Variants in CRACD observed in about 807,000 individuals in gnomAD.
CRACD encodes the protein capping protein-inhibiting regulator of actin dynamics.
CRACD carries 56 observed loss-of-function variants against 106.8 expected under a neutral mutation model. That is an observed-to-expected ratio of 0.52 (90% CI 0.42 to 0.66). CRACD has a LOEUF of 0.66. Among genes scored for constraint, CRACD ranks in the 30% least tolerant of loss-of-function variants. CRACD has a pLI of 0.00. For synonymous variants in CRACD, 754 were observed against 670.8 expected, an observed-to-expected ratio of 1.12 and a Z score of -1.92; for missense variants, 1,730 against 1,623.2, an observed-to-expected ratio of 1.07 and a Z score of -1.13.
intron 2 of CRACD, among the ~76,000 whole-genome samples, chr4:56,224,068 A>T (rs1430130274): frequency 1.3e-5 from 2 of 152,062 alleles, no homozygotes; most frequent in African/African-American, 4.8e-5. Context: ...GTTTTAATTG[A>T]TGAGGTCTGT....
chr4:56,144,742 G>A (rs954505782), intron 1 of CRACD, among the ~76,000 whole-genome samples: 6 of 150,976 alleles, frequency 4.0e-5, no homozygotes, highest in Non-Finnish European at 7.4e-5. Flanking sequence ...TGCAAACTCC[G>A]CCTTCCGGGT....
At chr4:56,064,979 A>G (rs1296964975) in intron 1 of CRACD, among the ~76,000 whole-genome samples, 3 of 151,676 alleles carry the variant, frequency 2.0e-5, no homozygotes, top group African/African-American at 4.8e-5. Context: ...GTAGTTCAAG[A>G]TGACCAGCTG....
chr4:56,145,029 C>A (rs1019950641), intron 1 of CRACD, among the ~76,000 whole-genome samples: 3 of 152,100 alleles, frequency 2.0e-5, no homozygotes, highest in Non-Finnish European at 4.4e-5. Flanking sequence ...TTCAAGTTAT[C>A]CCCCCGCCCC....
chr4:56,089,535 C>T (rs1166359282), intron 1 of CRACD, among the ~76,000 whole-genome samples: 29 of 130,254 alleles, frequency 2.2e-4, no homozygotes, highest in African/African-American at 5.1e-4. Flanking sequence ...TTTTTTGAGA[C>T]GGAGTTTCGG....
intron 3 of CRACD, among the ~76,000 whole-genome samples, chr4:56,292,165 G>C (rs1577867211): frequency 6.6e-6 from 1 of 152,222 alleles, no homozygotes; most frequent in South Asian, 2.1e-4. Flanking sequence ...GCTGCATTGT[G>C]TTCATTCCCT....
chr4:56,158,476 T>A (rs1173014993), intron 1 of CRACD, among the ~76,000 whole-genome samples: 6 of 152,216 alleles, frequency 3.9e-5, no homozygotes, highest in Non-Finnish European at 8.8e-5. Flanking sequence ...ACCTTGTTTG[T>A]GCTCTGCCCT....
At chr4:56,217,759 A>G (rs774878234) in intron 2 of CRACD, among the ~76,000 whole-genome samples, 1 of 152,208 alleles carries the variant, frequency 6.6e-6, no homozygotes, top group Non-Finnish European at 1.5e-5. Flanking sequence ...TTTGACCACC[A>G]CTTTCCCTCG....
chr4:56,240,177 T>C (rs1267183437), intron 2 of CRACD, among the ~76,000 whole-genome samples: 1 of 152,166 alleles, frequency 6.6e-6, no homozygotes, highest in Non-Finnish European at 1.5e-5. Context: ...TGAAATGGGT[T>C]ATAATAAATG....
intron 4 of CRACD, among the ~76,000 whole-genome samples, chr4:56,301,831 G>GA (rs369656002): frequency 2.0e-4 from 31 of 151,808 alleles, no homozygotes; most frequent in African/African-American, 6.8e-4. Context: ...AGATTTAAAA[G>GA]AAAAAAATCA....
intron 2 of CRACD, among the ~76,000 whole-genome samples, chr4:56,190,217 C>T (rs1169732630): frequency 7.9e-5 from 12 of 151,912 alleles, no homozygotes; most frequent in Non-Finnish European, 1.8e-4. Context: ...TCCAGTCTAT[C>T]ATTGTTGGAC....
intron 1 of CRACD, among the ~76,000 whole-genome samples, chr4:56,109,014 G>A (rs1448388949): frequency 6.6e-6 from 1 of 152,178 alleles, no homozygotes; most frequent in Non-Finnish European, 1.5e-5. Flanking sequence ...GTGGAGCAGA[G>A]TGTTCTCTGA....
chr4:56,224,117 T>G (rs544338500), intron 2 of CRACD, among the ~76,000 whole-genome samples: 1 of 152,042 alleles, frequency 6.6e-6, no homozygotes, highest in Non-Finnish European at 1.5e-5. Flanking sequence ...TTTCTTTTTA[T>G]TACTCTTTTT....
At chr4:56,271,105 CAA>C (rs569383234) in intron 2 of CRACD, among the ~76,000 whole-genome samples, 30 of 61,370 alleles carry the variant, frequency 4.9e-4, no homozygotes, top group Non-Finnish European at 6.1e-4. Context: ...AACTCCATCT[CAA>C]AAAAAAAAAA....
At chr4:56,197,884 A>G (rs751767163) in intron 2 of CRACD, among the ~76,000 whole-genome samples, 3 of 152,060 alleles carry the variant, frequency 2.0e-5, no homozygotes, top group Non-Finnish European at 4.4e-5. Flanking sequence ...TCACCGTGTT[A>G]GCCAGGATGG....
rs77422597 is a variant in CRACD, at chr4:56,064,937, C to T, written c.-336+15638C>T. Among the ~76,000 whole-genome samples the T allele has an allele frequency of 1.8e-4, 28 of 152,200 alleles. 1 individual carries two copies. In the East Asian group the frequency reaches 4.3e-3, roughly 23 times the overall value. ...AATGTCTGCAGTGATTCTTCCCCCT[C>T]GAAGATGGCTAGTCATGGGAGTTTT... On this transcript the variant is annotated intron_variant, in intron 1 of 10. Coordinates refer to ENST00000682029, the MANE Select transcript of CRACD (RefSeq NM_001393381.1).
chr4:56,323,593 AT>A, intron 9 of CRACD, 26 bp downstream of exon 9: 1 of 1,510,508 alleles, frequency 6.6e-7, no homozygotes. Context: ...TTCAGCTGTG[AT>A]TTTGCTTTCC....
At chr4:56,224,803 G>A (rs202025865) in intron 2 of CRACD, among the ~76,000 whole-genome samples, 1 of 152,200 alleles carries the variant, frequency 6.6e-6, no homozygotes, top group East Asian at 1.9e-4. Context: ...ACCACATAGT[G>A]TCTTTTGGCT....
chr4:56,213,250 C>T (rs1331340852), intron 2 of CRACD, among the ~76,000 whole-genome samples: 1 of 152,096 alleles, frequency 6.6e-6, no homozygotes, highest in African/African-American at 2.4e-5. Flanking sequence ...AGTTCAAGAC[C>T]AGCCTCACCA....
chr4:56,120,362 C>T (rs368918690), intron 1 of CRACD, among the ~76,000 whole-genome samples: 1 of 152,048 alleles, frequency 6.6e-6, no homozygotes, highest in Non-Finnish European at 1.5e-5. Flanking sequence ...CACTGCCAGG[C>T]ACAGAACAAA....
Sources: gnomAD v4.1 joint callset for allele counts (sites outside exome capture counted in the v4.1 genomes callset) on GRCh38, gnomAD v4.1.1 for gene constraint, MANE v1.5 for transcripts, NCBI Gene and HGNC (gene_info 2026-07-23, HGNC 2026-07-21) for gene names.